The following NOTCH2 variants were observed in gnomAD, a reference collection of about 807,000 sequenced individuals.
NOTCH2 encodes the protein neurogenic locus notch homolog protein 2.
NOTCH2 carries 29 observed loss-of-function variants against 235.8 expected under a neutral mutation model. That is an observed-to-expected ratio of 0.12 (90% confidence interval 0.09 to 0.17). NOTCH2 has a LOEUF of 0.17. Ranked by LOEUF, NOTCH2 falls within the 10% of genes least tolerant of loss-of-function variation. NOTCH2 has a pLI of 1.00. For synonymous variants in NOTCH2, 1,086 were observed against 1,141.5 expected (o/e 0.95, Z 0.98); for missense variants, 2,285 against 3,150.2 (o/e 0.73, Z 6.57).
Position 119,921,680 on chromosome 1 carries a change from C to T in NOTCH2, c.5310+33G>A, listed in dbSNP as rs7549237. On this transcript the variant is annotated intron_variant, in intron 29 of 33. Transcript: ENST00000256646. ...AATTTGAAATGTAACCAGATAATGGCTGACAATGGTGGTTCTACCATGGCC... is the reference window on the plus strand; with the variant it reads ...AATTTGAAATGTAACCAGATAATGGTTGACAATGGTGGTTCTACCATGGCC... The T allele has an allele frequency of 3.2e-6, 5 of 1,559,314 alleles. No homozygotes were observed. The African/African-American group carries it at 4.1e-5, about 13-fold the overall frequency.
chr1:119,952,322 GGAT>G (rs1442341543), intron 14 of NOTCH2, among the ~76,000 whole-genome samples: 1 of 152,150 alleles, frequency 6.6e-6, no homozygotes, highest in Admixed American at 6.5e-5. Context: ...GATGATTTTA[GGAT>G]GATGATTCAA....
In NOTCH2 at chr1:119,941,435, G is replaced by A. The variant is rs1375319622; in HGVS notation, c.2981+91C>T. 3 of 897,440 alleles carry A rather than the reference G, an allele frequency of 3.3e-6. No homozygotes were observed. In the East Asian group the frequency reaches 7.6e-5, roughly 23 times the overall value. 55.6% of individuals were successfully genotyped at this position (897,440 alleles called of 1,614,324 possible). ...GGATCCATGTGGACACCTCATCCCT[G>A]CTCCACAATTCTAGCATTGTGCTCT... On this transcript the variant is annotated intron_variant, in intron 18 of 33. Transcript: ENST00000256646.
In NOTCH2 at chr1:119,925,903, C is replaced by G. The variant is rs1649457796; in HGVS notation, c.4006-93G>C. 5.5e-5 allele frequency: 78 copies of G among 1,415,362 alleles called. No homozygotes were observed. In the South Asian group the frequency reaches 9.5e-4, roughly 17 times the overall value. 87.7% of individuals were successfully genotyped at this position (1,415,362 alleles called of 1,614,324 possible). On this transcript the variant is annotated intron_variant, in intron 24 of 33. Coordinates refer to ENST00000256646, the MANE Select transcript of NOTCH2 (RefSeq NM_024408.4). The stretch of plus-strand genomic sequence containing the variant: ...TTCTAGAAAACCTCCACATCTCACT[C>G]CCTTCTGTACTTCCCGTTCAGCCCA...
Position 120,069,495 on chromosome 1 carries a change from C to T in NOTCH2, c.-89G>A, listed in dbSNP as rs1553218016. 2 of 1,463,958 alleles carry T rather than the reference C, an allele frequency of 1.4e-6. No individual in the cohort carries two copies. The highest frequency in any genetic ancestry group is 1.8e-6 in the Non-Finnish European group (2 of 1,119,340). 90.7% of individuals were successfully genotyped at this position (1,463,958 alleles called of 1,614,324 possible). A position where few individuals can be genotyped will look rare whatever the true frequency, so the allele number is the denominator to read the frequency against. ...GGTCCCGATAGAGGAGCCCCACTCT[C>T]TCCTCCCCTCCTCCTGCTTCAAAGG... On this transcript the variant is annotated 5_prime_UTR_variant, in exon 1 of 34. Transcript: ENST00000256646.
At chr1:120,008,436 TA>T (rs1653054886) in intron 2 of NOTCH2, among the ~76,000 whole-genome samples, 1 of 37,674 alleles carries the variant, frequency 2.7e-5, no homozygotes, top group South Asian at 8.6e-4. Context: ...AAAAGAAGGA[TA>T]TTTTCTGACA....
At chr1:119,963,511 C>T in intron 11 of NOTCH2, 63 bp downstream of exon 11, 1 of 1,397,040 alleles carries the variant, frequency 7.2e-7, no homozygotes, top group South Asian at 1.2e-5. Flanking sequence ...TCTGAAACAT[C>T]TGTGTAAACA....
intron 1 of NOTCH2, among the ~76,000 whole-genome samples, chr1:120,056,836 A>G (rs2101413711): frequency 1.5e-5 from 1 of 66,344 alleles, no homozygotes; most frequent in East Asian, 3.1e-4. Context: ...ATTGGAAAAA[A>G]TGGTGCTGAT....
At chr1:120,016,018 G>A (rs2725925) in intron 2 of NOTCH2, among the ~76,000 whole-genome samples, 5,994 of 124,550 alleles carry the variant, frequency 0.048, 1 homozygote, top group African/African-American at 0.13. Context: ...AAAACAAAAA[G>A]AACTTTAAAA....
chr1:120,069,219 C>G (rs782547750), intron 1 of NOTCH2, 115 bp downstream of exon 1: 1 of 1,527,296 alleles, frequency 6.5e-7, no homozygotes, highest in Non-Finnish European at 8.8e-7. Flanking sequence ...TGGCCTCGCT[C>G]CGCGCCGGCG....
chr1:119,923,330 A>C (rs1395450312), intron 26 of NOTCH2, among the ~76,000 whole-genome samples: 1 of 152,202 alleles, frequency 6.6e-6, no homozygotes, highest in Non-Finnish European at 1.5e-5. Flanking sequence ...GGCAATGATT[A>C]ATGTAAAAAG....
rs782793865 is a variant in NOTCH2 at position 120,069,401 on chromosome 1, G to C, written c.6C>G (p.Pro2=). ...CCCACAGCAGAGCGGGGCGCAGGGC[G>C]GGCATCTTCTCGGTCGCCTCCTCCT... The part of the protein sequence containing the change: M[P]ALRPALLWAL... The change falls in exon 1 of 34, where the codon CCC becomes CCG. Residue 2 remains proline, a synonymous_variant. Coordinates refer to ENST00000256646, the MANE Select transcript of NOTCH2 (RefSeq NM_024408.4). 7 of 1,547,026 alleles carry C rather than the reference G, an allele frequency of 4.5e-6. No homozygotes were observed. The Admixed American group carries it at 1.3e-4, about 29-fold the overall frequency.
At chr1:120,009,292 C>A (rs2101254449) in intron 2 of NOTCH2, among the ~76,000 whole-genome samples, 1 of 150,602 alleles carries the variant, frequency 6.6e-6, no homozygotes, top group East Asian at 1.9e-4. Context: ...ATATGAGGTA[C>A]AACAGACTTA....
At chr1:119,964,697 T>C (rs1553199449) in intron 10 of NOTCH2, among the ~76,000 whole-genome samples, 1 of 152,252 alleles carries the variant, frequency 6.6e-6, no homozygotes, top group African/African-American at 2.4e-5. Flanking sequence ...CTCCATTCTC[T>C]AAAATTAATG....
intron 2 of NOTCH2, among the ~76,000 whole-genome samples, chr1:120,017,256 T>G (rs1653480817): frequency 7.3e-6 from 1 of 136,324 alleles, no homozygotes; most frequent in East Asian, 2.2e-4. Flanking sequence ...TCCAGACCTC[T>G]GTACACGCTG....
At chr1:119,966,635 T>G (rs1553199710) in intron 8 of NOTCH2, 146 bp from the exon 9 acceptor site, 15 of 699,178 alleles carry the variant, frequency 2.1e-5, no homozygotes, top group Non-Finnish European at 3.7e-5. Context: ...TGATGAGAAA[T>G]AGTCACTCCA....
intron 17 of NOTCH2, among the ~76,000 whole-genome samples, chr1:119,947,657 A>G (rs1650310657): frequency 6.6e-6 from 1 of 152,208 alleles, no homozygotes; most frequent in Non-Finnish European, 1.5e-5. Flanking sequence ...ACTCCTAGGT[A>G]TTTACTCAAG....
intron 1 of NOTCH2, among the ~76,000 whole-genome samples, chr1:120,033,541 T>C (rs1195146395): frequency 1.4e-5 from 2 of 147,322 alleles, no homozygotes; most frequent in African/African-American, 5.0e-5. Flanking sequence ...TTATGCTAAG[T>C]GAAATAAGGC....
rs1553198066 is a variant in NOTCH2, at chr1:119,953,553, C to G, written c.2355G>C (p.Lys785Asn). Reference sequence around the variant, plus strand: ...TACTTTTGTTTTCACCTTTAAAGCCCTTCTTGCAAGTACACCTGTATCCAT... The same window carrying G: ...TACTTTTGTTTTCACCTTTAAAGCCGTTCTTGCAAGTACACCTGTATCCAT... ...LVNGYRCTCKKGFKGYNCQVN... is the reference protein window; with the variant it reads ...LVNGYRCTCKNGFKGYNCQVN... Residue 785 changes from lysine to asparagine, a missense_variant, in exon 14 of 34, where the codon AAG (lysine) becomes AAC (asparagine). Lys to Asn is a moderately conservative substitution (Grantham distance 94). Transcript: ENST00000256646. 1 of 1,613,992 alleles carries G rather than the reference C, an allele frequency of 6.2e-7. No homozygotes were observed. Among genetic ancestry groups the G allele is most frequent in the African/African-American group, 1.3e-5 (1 of 74,918 alleles).
intron 2 of NOTCH2, among the ~76,000 whole-genome samples, chr1:120,017,355 A>T (rs1478481187): frequency 6.6e-6 from 1 of 151,990 alleles, no homozygotes; most frequent in Admixed American, 6.6e-5. Flanking sequence ...ATTTCCTGTG[A>T]AAAACAGCCT....
Sources: allele counts gnomAD v4.1 joint callset (sites outside exome capture counted in the v4.1 genomes callset), GRCh38; gene constraint gnomAD v4.1.1; transcripts MANE v1.5; gene names NCBI Gene and HGNC (gene_info 2026-07-23, HGNC 2026-07-21).